PAIP1: variants seen among roughly 807,000 people sequenced by gnomAD.
The protein encoded by PAIP1 is poly(A) binding protein interacting protein 1.
In PAIP1, 16 loss-of-function variants were observed where a neutral mutation model predicts 61.3. The ratio of observed to expected loss-of-function variants is 0.26; its 90% CI spans 0.18 to 0.40. The LOEUF (loss-of-function observed/expected upper bound fraction) is 0.40. Among genes scored for constraint, PAIP1 ranks in the 10% least tolerant of loss-of-function variants. The pLI is 1.00. For missense variants in PAIP1, 416 were observed against 600.9 expected (o/e 0.69, Z 3.22); for synonymous variants, 187 against 226.2 (o/e 0.83, Z 1.56).
intron 5 of PAIP1, among the ~76,000 whole-genome samples, chr5:43,538,337 T>A (rs931048707): frequency 2.0e-5 from 3 of 152,140 alleles, no homozygotes; most frequent in Admixed American, 6.5e-5. Context: ...CTGCTAAAAA[T>A]TTTAAGTGTT....
chr5:43,551,152 G>A (rs376391784), intron 2 of PAIP1, among the ~76,000 whole-genome samples: 14 of 152,250 alleles, frequency 9.2e-5, no homozygotes, highest in Middle Eastern at 3.4e-3. Context: ...GGGGGAAAGA[G>A]GGTTTGAACA....
intron 4 of PAIP1, among the ~76,000 whole-genome samples, chr5:43,539,408 GTAATT>G (rs1408623295): frequency 2.0e-5 from 3 of 151,150 alleles, no homozygotes; most frequent in African/African-American, 7.3e-5. Context: ...AATTGTCTCT[GTAATT>G]TTTTTTTTAA....
At chr5:43,533,404 G>A (rs187156642) in intron 9 of PAIP1, among the ~76,000 whole-genome samples, 1 of 152,232 alleles carries the variant, frequency 6.6e-6, no homozygotes, top group African/African-American at 2.4e-5. Flanking sequence ...AACTAGAATC[G>A]TCTTTCCCCT....
chr5:43,537,600 A>G (rs960723801), intron 5 of PAIP1, among the ~76,000 whole-genome samples: 5 of 152,086 alleles, frequency 3.3e-5, no homozygotes, highest in African/African-American at 1.2e-4. Flanking sequence ...ATAGATTCAC[A>G]TTGTCTTATG....
intron 5 of PAIP1, among the ~76,000 whole-genome samples, chr5:43,537,996 CAAAAAAA>C (rs5867636): frequency 1.1e-5 from 1 of 92,682 alleles, no homozygotes; most frequent in Admixed American, 1.4e-4. Context: ...TGTCCCCACC[CAAAAAAA>C]AAAAAAAAAA....
chr5:43,555,957 T>C lies in PAIP1; in HGVS notation c.308A>G (p.Lys103Arg). 1 of 1,614,144 alleles carries C rather than the reference T, an allele frequency of 6.2e-7. No individual in the cohort carries two copies. Among genetic ancestry groups the C allele is most frequent in the African/African-American group, 1.3e-5 (1 of 75,036 alleles). ...PLRAPPSSQD[K>R]IPQQNSESAM... ...TGACTCCGAGTTCTGCTGTGGGATT[T>C]TATCCTGTGAACTAGGTGGAGCTCT... Residue 103 changes from lysine (K) to arginine (R), a missense_variant, in exon 2 of 11, where the codon AAA becomes AGA. Around this residue, in one of 4 missense-constraint regions of PAIP1, gnomAD observed 180 missense variants for 211.2 expected, o/e 0.85. Transcript: ENST00000306846.
intron 6 of PAIP1, among the ~76,000 whole-genome samples, chr5:43,536,418 T>C (rs1468710411): frequency 1.3e-5 from 2 of 152,142 alleles, no homozygotes; most frequent in Non-Finnish European, 2.9e-5. Context: ...ACAATGCATA[T>C]GCATATGACA....
At position 43,543,123 on chromosome 5, in the gene PAIP1, A is replaced by G. The variant is rs767032997; in HGVS notation, c.622-7T>C. The stretch of plus-strand genomic sequence containing the variant: ...AATTTGGGATAGATGTGGCCTTTTA[A>G]AAAGAAGAAAAGTGTTATATGACAT... On this transcript the variant is annotated splice_polypyrimidine_tract_variant and splice_region_variant and intron_variant, in intron 3 of 10. Transcript: ENST00000306846. 3.6e-6 allele frequency: 5 copies of G among 1,383,514 alleles called. No individual in the cohort carries two copies. The African/African-American group carries it at 7.1e-5, about 20-fold the overall frequency. 85.7% of individuals were successfully genotyped at this position (1,383,514 alleles called of 1,614,324 possible).
At chr5:43,547,026 G>A (rs1042478799) in intron 3 of PAIP1, among the ~76,000 whole-genome samples, 1 of 103,172 alleles carries the variant, frequency 9.7e-6, no homozygotes, top group Non-Finnish European at 1.8e-5. Flanking sequence ...CTGGGAGACA[G>A]GGCAAGACTC....
chr5:43,555,771 TA>T, intron 2 of PAIP1, 58 bp downstream of exon 2: 1 of 1,423,790 alleles, frequency 7.0e-7, no homozygotes, highest in Non-Finnish European at 9.6e-7. Flanking sequence ...ATTAACAAAG[TA>T]ACAACCACAT....
In PAIP1 at chr5:43,534,055, T is replaced by C. The variant is rs112436643; in HGVS notation, c.1198-263A>G. ...AACTGTTCTGTTGTGCATTGTCATTTAGTGTCAGTGCATTTTTAGCTGTGG... is the reference window on the plus strand; with the variant it reads ...AACTGTTCTGTTGTGCATTGTCATTCAGTGTCAGTGCATTTTTAGCTGTGG... On this transcript the variant is annotated intron_variant, in intron 8 of 10. Coordinates refer to ENST00000306846, the MANE Select transcript of PAIP1 (RefSeq NM_006451.5). 1.8e-3 allele frequency among the ~76,000 whole-genome samples: 268 copies of C among 152,362 alleles called. 2 individuals are homozygous for C. In the South Asian group the frequency reaches 0.024, roughly 13 times the overall value.
At chr5:43,556,086 G>A (rs769616926) in intron 1 of PAIP1, 87 bp from the exon 2 acceptor site, 107 of 1,491,880 alleles carry the variant, frequency 7.2e-5, no homozygotes, top group Admixed American at 4.6e-4. Flanking sequence ...TCTGAAAAGC[G>A]TCTGTTTTTA....
chr5:43,557,160 C>G (rs1314969459), upstream of PAIP1: 1 of 281,338 alleles, frequency 3.6e-6, no homozygotes, highest in Non-Finnish European at 6.3e-6. Context: ...GGCCCGGAGG[C>G]CCGGGACGCG....
intron 4 of PAIP1, among the ~76,000 whole-genome samples, chr5:43,539,766 A>G (rs10058558): frequency 0.41 from 61,817 of 152,120 alleles, 14,658 homozygotes; most frequent in East Asian, 0.78. Flanking sequence ...TAGTTCCTAC[A>G]AGGTAACTAA....
chr5:43,548,276 G>A (rs979908767), intron 2 of PAIP1, among the ~76,000 whole-genome samples: 1 of 152,054 alleles, frequency 6.6e-6, no homozygotes, highest in Non-Finnish European at 1.5e-5. Context: ...AGTGGGAGGG[G>A]AAGTATGGAC....
chr5:43,539,165 T>A, intron 4 of PAIP1, 130 bp from the exon 5 acceptor site: 1 of 617,660 alleles, frequency 1.6e-6, no homozygotes, highest in South Asian at 2.0e-5. Context: ...CTTTCTACAA[T>A]AAAGAAACTG....
In PAIP1 at chr5:43,539,247, T is replaced by C. The variant is rs182230666; in HGVS notation, c.735-212A>G. ...AAGTCTCCCAGTTTGAAAAAACTGA[T>C]AGTTTTATTTTCAACGATTTTTATC... On this transcript the variant is annotated intron_variant, in intron 4 of 10. Coordinates refer to ENST00000306846, the MANE Select transcript of PAIP1 (RefSeq NM_006451.5). Among the ~76,000 whole-genome samples the C allele has an allele frequency of 1.5e-4, 21 of 140,234 alleles. No homozygotes were observed. In the East Asian group the frequency reaches 3.8e-3, roughly 25 times the overall value. The allele number at this position is 140,234 out of a possible 152,430, so 92.0% of individuals were successfully genotyped here. A position where few individuals can be genotyped will look rare whatever the true frequency, so the allele number is the denominator to read the frequency against.
At chr5:43,538,124 G>A (rs373421116) in intron 5 of PAIP1, among the ~76,000 whole-genome samples, 6 of 151,464 alleles carry the variant, frequency 4.0e-5, no homozygotes, top group African/African-American at 1.5e-4. Flanking sequence ...TTATAAATAC[G>A]TTTAGCTGTA....
intron 9 of PAIP1, among the ~76,000 whole-genome samples, chr5:43,532,717 GCTAAGAA>G (rs1204623782): frequency 6.6e-6 from 1 of 152,146 alleles, no homozygotes; most frequent in African/African-American, 2.4e-5. Context: ...AAAACCCTCA[GCTAAGAA>G]TCACTTTGTT....
Sources: allele counts gnomAD v4.1 joint callset (sites outside exome capture counted in the v4.1 genomes callset), GRCh38; gene constraint gnomAD v4.1.1; regional missense constraint gnomAD v4.1.1; transcripts MANE v1.5; gene names NCBI Gene and HGNC (gene_info 2026-07-23, HGNC 2026-07-21).